The following MYO7A variants were observed in gnomAD, a reference collection of about 807,000 sequenced individuals.
MYO7A encodes the protein unconventional myosin-VIIa.
In MYO7A, 210 loss-of-function variants were observed where a neutral mutation model predicts 263.8. The observed-to-expected ratio is 0.80, with a 90% confidence interval of 0.71 to 0.89. MYO7A has a LOEUF of 0.89. Ranked by LOEUF, MYO7A falls within the 40% of genes least tolerant of loss-of-function variation. The pLI is 0.00. For missense variants in MYO7A, 2,820 were observed against 2,968.3 expected, an observed-to-expected ratio of 0.95 and a Z score of 1.16; for synonymous variants, 1,239 against 1,197.3, an observed-to-expected ratio of 1.03 and a Z score of -0.72.
chr11:77,203,302 GCT>G, intron 38 of MYO7A, 85 bp downstream of exon 38: 1 of 1,435,932 alleles, frequency 7.0e-7, no homozygotes, highest in Non-Finnish European at 9.4e-7. Flanking sequence ...CTGAGGGCCT[GCT>G]GCGACCCGGG....
In MYO7A at chr11:77,174,817, G is replaced by A. The variant is rs782396605; in HGVS notation, c.1997G>A (p.Arg666Gln). Residue 666 changes from arginine to glutamine, a missense_variant, in exon 17 of 49, where the codon CGA becomes CAA. Transcript: ENST00000409709. Reference sequence around the variant, plus strand: ...TACTCAGGAATGATGGAGACCATCCGAATCCGCCGAGCTGGCTACCCCATC... The same window carrying A: ...TACTCAGGAATGATGGAGACCATCCAAATCCGCCGAGCTGGCTACCCCATC... Reference protein sequence around the residue: ...LRYSGMMETIRIRRAGYPIRY... With the variant: ...LRYSGMMETIQIRRAGYPIRY... 26 of 1,613,040 alleles carry A rather than the reference G, an allele frequency of 1.6e-5. No homozygotes were observed. The African/African-American group carries it at 1.9e-4, about 12-fold the overall frequency.
intron 16 of MYO7A, among the ~76,000 whole-genome samples, chr11:77,174,304 T>A (rs1440766070): frequency 1.3e-5 from 2 of 152,180 alleles, no homozygotes; most frequent in Non-Finnish European, 2.9e-5. Flanking sequence ...AGGTCCTCCC[T>A]GGGGCTGTGC....
chr11:77,213,721 G>A (rs56001117), intron 47 of MYO7A, 139 bp from the exon 48 acceptor site: 28,103 of 1,232,260 alleles, frequency 0.023, 422 homozygotes, highest in Middle Eastern at 0.029. Flanking sequence ...GCTTCCCACC[G>A]CAGCTGGATG....
Position 77,213,978 on chromosome 11 carries a change from T to A in MYO7A, c.6557T>A (p.Leu2186Gln), listed in dbSNP as rs876657417. ...AGCAAACTGCTCTGCGAGACGTCAC[T>A]GGTGAGGGCGCATCCTGCTGGGCCT... ...RGSKLLCETS[L>Q]GYKMDDLLTS... Residue 2186 changes from leucine (L) to glutamine (Q), a missense_variant and splice_region_variant, in exon 48 of 49, where the codon CTG (leucine) becomes CAG (glutamine). Physicochemically the swap from Leu to Gln is moderately radical, Grantham distance 113. Transcript: ENST00000409709. The A allele has an allele frequency of 6.2e-7, 1 of 1,613,908 alleles. No individual in the cohort carries two copies. Among genetic ancestry groups the A allele is most frequent in the East Asian group, 2.2e-5 (1 of 44,896 alleles).
At chr11:77,211,485 C>T in intron 45 of MYO7A, 148 bp downstream of exon 45, 1 of 916,890 alleles carries the variant, frequency 1.1e-6, no homozygotes, top group Non-Finnish European at 1.6e-6. Context: ...CCTTGTTCCT[C>T]CACCTGCCTT....
chr11:77,182,529 A>T lies in MYO7A; in HGVS notation c.3214A>T (p.Thr1072Ser). The stretch of plus-strand genomic sequence containing the variant: ...TGGCAGTGAGAAGATCCCTGTGATG[A>T]CCAAGATTTATGAGACCCTGGGCAA... Reference protein sequence around the residue: ...SDGSEKIPVMTKIYETLGKKT... With the variant: ...SDGSEKIPVMSKIYETLGKKT... The change falls in exon 25 of 49, where the codon ACC (threonine) becomes TCC (serine). Residue 1072 changes from threonine (T) to serine (S), a missense_variant. Coordinates refer to ENST00000409709, the MANE Select transcript of MYO7A (RefSeq NM_000260.4). The T allele has an allele frequency of 6.2e-7, 1 of 1,613,378 alleles. No homozygotes were observed. Among genetic ancestry groups the T allele is most frequent in the Non-Finnish European group, 8.5e-7 (1 of 1,179,850 alleles).
In MYO7A at chr11:77,160,215, G is replaced by A. The variant is rs397516282; in HGVS notation, c.1133G>A (p.Arg378His). Residue 378 changes from arginine to histidine, a missense_variant, in exon 11 of 49, where the codon CGC becomes CAC. Arg to His is a conservative substitution (Grantham distance 29, BLOSUM62 0). Coordinates refer to ENST00000409709, the MANE Select transcript of MYO7A (RefSeq NM_000260.4). ...CTGACTAGCCGCACCCTCATCACCC[G>A]CGGGGAGACGGTGTCCACCCCACTG... ...SCLTSRTLIT[R>H]GETVSTPLSR... 60 of 1,581,594 alleles carry A rather than the reference G, an allele frequency of 3.8e-5. No individual in the cohort carries two copies. Among genetic ancestry groups the A allele is most frequent in the East Asian group, 1.2e-4 (5 of 42,796 alleles).
In MYO7A at chr11:77,209,860, C is replaced by G. The variant is rs549740098; in HGVS notation, c.6051+1057C>G. On this transcript the variant is annotated intron_variant, in intron 44 of 48. Transcript: ENST00000409709. ...GATTCCCCTTGCTCGTAGGGCATAA[C>G]CCCCGTCCTGGCCGTGGCCCTGCCT... 2.0e-5 allele frequency among the ~76,000 whole-genome samples: 3 copies of G among 152,244 alleles called. No homozygotes were observed. The East Asian group carries it at 5.8e-4, about 29-fold the overall frequency.
chr11:77,209,777 G>T (rs1957739949), intron 44 of MYO7A, among the ~76,000 whole-genome samples: 1 of 152,178 alleles, frequency 6.6e-6, no homozygotes, highest in South Asian at 2.1e-4. Context: ...CATCCATTTT[G>T]GTCCTTTCAA....
Position 77,163,070 on chromosome 11 carries a change from G to A in MYO7A, c.1690+82G>A, listed in dbSNP as rs1249623639. On this transcript the variant is annotated intron_variant, in intron 14 of 48. Coordinates refer to ENST00000409709, the MANE Select transcript of MYO7A (RefSeq NM_000260.4). The stretch of plus-strand genomic sequence containing the variant: ...CTCCAGCCCAGGAATAAGATATCCG[G>A]AATTTTAAAGATTTTTAAAAATTGT... 17 of 1,477,484 alleles carry A rather than the reference G, an allele frequency of 1.2e-5. No individual in the cohort carries two copies. The African/African-American group carries it at 2.1e-4, about 19-fold the overall frequency. 91.5% of individuals were successfully genotyped at this position (1,477,484 alleles called of 1,614,324 possible).
At chr11:77,183,527 A>G (rs782043015) in intron 26 of MYO7A, among the ~76,000 whole-genome samples, 3 of 152,264 alleles carry the variant, frequency 2.0e-5, no homozygotes, top group Non-Finnish European at 4.4e-5. Context: ...AAGAGTGCTC[A>G]TGGAGCATGA....
intron 2 of MYO7A, among the ~76,000 whole-genome samples, chr11:77,135,068 A>T (rs1950872593): frequency 6.6e-6 from 1 of 152,210 alleles, no homozygotes; most frequent in African/African-American, 2.4e-5. Context: ...TACAGGAGTG[A>T]GCCCCATGGC....
chr11:77,155,340 G>A (rs1037624459), intron 4 of MYO7A, among the ~76,000 whole-genome samples: 1 of 152,188 alleles, frequency 6.6e-6, no homozygotes, highest in Non-Finnish European at 1.5e-5. Flanking sequence ...GTCCCCTAGA[G>A]CACAGCATCT....
chr11:77,157,465 C>A, intron 8 of MYO7A, 73 bp downstream of exon 8: 1 of 1,049,166 alleles, frequency 9.5e-7, no homozygotes, highest in South Asian at 1.5e-5. Context: ...ACTGCAGACT[C>A]AGCCTTGAGG....
chr11:77,179,672 T>G (rs1954999736), intron 20 of MYO7A, 63 bp from the exon 21 acceptor site: 1 of 1,429,904 alleles, frequency 7.0e-7, no homozygotes, highest in Non-Finnish European at 9.4e-7. Context: ...TGGAAGCTCC[T>G]GCAGGCAGGG....
At chr11:77,213,816 C>T (rs1565495022) in intron 47 of MYO7A, 44 bp from the exon 48 acceptor site, 3 of 1,613,500 alleles carry the variant, frequency 1.9e-6, no homozygotes, top group Non-Finnish European at 2.5e-6. Flanking sequence ...AGTGAGGCCA[C>T]AGGGCCCAGG....
intron 16 of MYO7A, among the ~76,000 whole-genome samples, chr11:77,173,125 AG>A (rs1458999760): frequency 6.6e-5 from 10 of 152,324 alleles, no homozygotes; most frequent in African/African-American, 2.2e-4. Flanking sequence ...ACCATGTACA[AG>A]TGGGCGACTG....
chr11:77,211,293 C>A lies in MYO7A; in HGVS notation c.6193C>A (p.Pro2065Thr), dbSNP rs1957848873. Residue 2065 changes from proline to threonine, a missense_variant, in exon 45 of 49, where the codon CCC (proline) becomes ACC (threonine). Transcript: ENST00000409709. ...CCCCAAGCTGCTGCGGGAGCTGGTG[C>A]CCCAGGACCTTATCCGGCAGGTCTC... ...SIPKLLRELV[P>T]QDLIRQVSPD... The A allele has an allele frequency of 1.3e-6, 2 of 1,582,750 alleles. No individual in the cohort carries two copies. The highest frequency in any genetic ancestry group is 1.7e-6 in the Non-Finnish European group (2 of 1,164,768).
chr11:77,131,245 C>A (rs1213567221), intron 2 of MYO7A, among the ~76,000 whole-genome samples: 1 of 152,230 alleles, frequency 6.6e-6, no homozygotes, highest in African/African-American at 2.4e-5. Context: ...GGAATGTGGG[C>A]CCTGAGCCAG....
Sources: allele counts gnomAD v4.1 joint callset (sites outside exome capture counted in the v4.1 genomes callset), GRCh38; gene constraint gnomAD v4.1.1; transcripts MANE v1.5; gene names NCBI Gene and HGNC (gene_info 2026-07-23, HGNC 2026-07-21).